The following ITGB4 variants were observed in gnomAD, a reference collection of about 807,000 sequenced individuals.
The protein encoded by ITGB4 is integrin subunit beta 4, also known as integrin beta-4.
ITGB4 carries 159 observed loss-of-function variants against 207.6 expected under a neutral mutation model. The observed-to-expected ratio is 0.77, with a 90% CI of 0.67 to 0.87. The LOEUF is 0.87. Among genes scored for constraint, ITGB4 ranks in the 40% least tolerant of loss-of-function variants. The pLI is 0.00. For synonymous variants in ITGB4, 1,020 were observed against 1,062.7 expected (o/e 0.96, Z 0.78); for missense variants, 2,278 against 2,546.8 (o/e 0.89, Z 2.27).
At position 75,731,786 on chromosome 17, in the gene ITGB4, C is replaced by T. The variant is rs1260065349; in HGVS notation, c.1216-26C>T. Reference sequence around the variant, plus strand: ...CCCTGGTCCTTGGGGCTGGGCCTGCCTTGGCTGACCACGGGGCCCCTGCAG... The same window carrying T: ...CCCTGGTCCTTGGGGCTGGGCCTGCTTTGGCTGACCACGGGGCCCCTGCAG... On this transcript the variant is annotated intron_variant, in intron 10 of 39. Coordinates refer to ENST00000200181, the MANE Select transcript of ITGB4 (RefSeq NM_000213.5). The surrounding 1 kb of genome is among the most constrained non-coding windows in gnomAD (Gnocchi z 6.8). 6.4e-7 allele frequency: 1 copy of T among 1,555,898 alleles called. No individual in the cohort carries two copies. The highest frequency in any genetic ancestry group is 2.4e-5 in the East Asian group (1 of 41,632).
At chr17:75,753,630 G>C (rs2061418076) in intron 32 of ITGB4, 135 bp from the exon 33 acceptor site, 1 of 521,348 alleles carries the variant, frequency 1.9e-6, no homozygotes, top group African/African-American at 2.0e-5. Flanking sequence ...ATCTACCCCC[G>C]CCCCCAACAC....
chr17:75,726,573 A>G (rs1414828167), intron 2 of ITGB4, among the ~76,000 whole-genome samples: 2 of 151,834 alleles, frequency 1.3e-5, no homozygotes, highest in Non-Finnish European at 2.9e-5. Context: ...CTCTACTAAA[A>G]ATACAAAAAT....
chr17:75,740,911 C>T lies in ITGB4; in HGVS notation c.2609+60C>T, dbSNP rs375721531. On this transcript the variant is annotated intron_variant, in intron 22 of 39. Transcript: ENST00000200181. This position sits in a 1 kb window ranked among gnomAD's most constrained non-coding sequence, Gnocchi z 5.9. ...CCGCTCCTACCGGGACTCCAGGAGC[C>T]GAAGCCCCCAGGCCGATCAGGCCTC... The T allele has an allele frequency of 2.3e-4, 372 of 1,613,060 alleles. 2 individuals carry two copies. Among genetic ancestry groups the T allele is most frequent in the Non-Finnish European group, 1.0e-4 (120 of 1,179,362 alleles).
At position 75,729,539 on chromosome 17, in the gene ITGB4, C is replaced by A; in HGVS notation, c.738+103C>A. ...CTGCTCTGGTGCCAGGCTCACAGGCCCTGAGGGAAAGCCTGGGAGCCTGCA... is the reference window on the plus strand; with the variant it reads ...CTGCTCTGGTGCCAGGCTCACAGGCACTGAGGGAAAGCCTGGGAGCCTGCA... On this transcript the variant is annotated intron_variant, in intron 7 of 39. Coordinates refer to ENST00000200181, the MANE Select transcript of ITGB4 (RefSeq NM_000213.5). The surrounding 1 kb of genome is among the most constrained non-coding windows in gnomAD (Gnocchi z 4.4). 2 of 1,282,892 alleles carry A rather than the reference C, an allele frequency of 1.6e-6. No individual in the cohort carries two copies. The highest frequency in any genetic ancestry group is 2.1e-6 in the Non-Finnish European group (2 of 945,276). The allele number at this position is 1,282,892 out of a possible 1,614,324, so 79.5% of individuals were successfully genotyped here. A position where few individuals can be genotyped will look rare whatever the true frequency, so the allele number is the denominator to read the frequency against.
intron 23 of ITGB4, among the ~76,000 whole-genome samples, chr17:75,741,913 A>G (rs58812339): frequency 0.036 from 5,414 of 152,228 alleles, 332 homozygotes; most frequent in African/African-American, 0.12. Context: ...CCTCTCGTCA[A>G]GCCTGTGAGG....
Position 75,727,620 on chromosome 17 carries a change from C to G in ITGB4, c.265-31C>G, listed in dbSNP as rs751937223. ...CCCATCGGGCCTCCGGAGTGACCCTCTAGCCAGCTGTCCCCTTCCACTGGC... is the reference window on the plus strand; with the variant it reads ...CCCATCGGGCCTCCGGAGTGACCCTGTAGCCAGCTGTCCCCTTCCACTGGC... On this transcript the variant is annotated intron_variant, in intron 4 of 39. Transcript: ENST00000200181. This position sits in a 1 kb window ranked among gnomAD's most constrained non-coding sequence, Gnocchi z 6.0. The G allele has an allele frequency of 1.2e-4, 185 of 1,586,172 alleles. No individual in the cohort carries two copies. Among genetic ancestry groups the G allele is most frequent in the Middle Eastern group, 2.2e-4 (1 of 4,584 alleles).
rs911505390 is a variant in ITGB4 at position 75,729,644 on chromosome 17, G to C, written c.738+208G>C. Among the ~76,000 whole-genome samples the C allele has an allele frequency of 6.6e-6, 1 of 152,176 alleles. No homozygotes were observed. The highest frequency in any genetic ancestry group is 6.5e-5 in the Admixed American group (1 of 15,282). On this transcript the variant is annotated intron_variant, in intron 7 of 39. Coordinates refer to ENST00000200181, the MANE Select transcript of ITGB4 (RefSeq NM_000213.5). The surrounding 1 kb of genome is among the most constrained non-coding windows in gnomAD (Gnocchi z 4.4). ...TGAGTTCAGATGTGCCTGGAGCCACGGTCCCCTGGCCTGAGCAGTCACAGC... is the reference window on the plus strand; with the variant it reads ...TGAGTTCAGATGTGCCTGGAGCCACCGTCCCCTGGCCTGAGCAGTCACAGC...
At chr17:75,755,965 A>G in intron 35 of ITGB4, 115 bp downstream of exon 35, 2 of 1,291,592 alleles carry the variant, frequency 1.5e-6, no homozygotes, top group Non-Finnish European at 2.2e-6. Flanking sequence ...TTGAGCGCTA[A>G]AGCCCCCATC....
At chr17:75,756,401 A>G (rs1315144087) in intron 35 of ITGB4, 28 bp from the exon 36 acceptor site, 2 of 1,611,736 alleles carry the variant, frequency 1.2e-6, no homozygotes, top group Non-Finnish European at 1.7e-6. Flanking sequence ...ACACTGCACT[A>G]CTGTGTGCCC....
Position 75,736,644 on chromosome 17 carries a change from C to T in ITGB4, c.1940C>T (p.Thr647Met), listed in dbSNP as rs150688188. ...GGCACCGGCGAGAAGAAGGGGCGCACGTGTGAGGAATGCAACTTCAAGGTC... is the reference window on the plus strand; with the variant it reads ...GGCACCGGCGAGAAGAAGGGGCGCATGTGTGAGGAATGCAACTTCAAGGTC... ...AWGTGEKKGR[T>M]CEECNFKVKM... The change falls in exon 16 of 40, where the codon ACG becomes ATG. Residue 647 changes from threonine (T) to methionine (M), a missense_variant. Thr to Met is a moderately conservative substitution (Grantham distance 81, BLOSUM62 -1). Coordinates refer to ENST00000200181, the MANE Select transcript of ITGB4 (RefSeq NM_000213.5). The T allele has an allele frequency of 6.8e-5, 109 of 1,600,358 alleles. 1 individual carries two copies. Among genetic ancestry groups the T allele is most frequent in the African/African-American group, 4.8e-4 (36 of 75,006 alleles).
rs780675808 is a variant in ITGB4 at position 75,757,109 on chromosome 17, T to A, written c.5218+2T>A. ...TCACCATAGAGTCCCAGGATGGAGG[T>A]AGGCACCTGTCCTTTCCTTCACCCC... On this transcript the variant is annotated splice_donor_variant, in intron 38 of 39. Transcript: ENST00000200181. LOFTEE classifies it high-confidence loss of function. The A allele has an allele frequency of 1.2e-6, 2 of 1,611,898 alleles. No individual in the cohort carries two copies. The highest frequency in any genetic ancestry group is 2.2e-5 in the South Asian group (2 of 91,014).
chr17:75,729,263 A>G lies in ITGB4; in HGVS notation c.567-2A>G, dbSNP rs570195262. ...CTCTCTCTCCCTCCCACCTCTGCCC[A>G]GGCTGAAGGAGCCCTGGCCCAACAG... On this transcript the variant is annotated splice_acceptor_variant, in intron 6 of 39. Transcript: ENST00000200181. LOFTEE classifies it high-confidence loss of function. The surrounding 1 kb of genome is among the most constrained non-coding windows in gnomAD (Gnocchi z 4.4). 6.2e-7 allele frequency: 1 copy of G among 1,613,470 alleles called. No individual in the cohort carries two copies. The highest frequency in any genetic ancestry group is 8.5e-7 in the Non-Finnish European group (1 of 1,179,782).
Position 75,755,794 on chromosome 17 carries a change from C to T in ITGB4, c.4652C>T (p.Pro1551Leu), listed in dbSNP as rs745935518. 1.8e-4 allele frequency: 287 copies of T among 1,611,448 alleles called. No individual in the cohort carries two copies. Among genetic ancestry groups the T allele is most frequent in the Non-Finnish European group, 2.3e-4 (275 of 1,179,910 alleles). Reference protein sequence around the residue: ...PTSLRVSWQEPRCERPLQGYS... With the variant: ...PTSLRVSWQELRCERPLQGYS... ...TCTCTCAGAGTGAGCTGGCAGGAGCCGCGGTGCGAGCGGCCGCTGCAGGGC... is the reference window on the plus strand; with the variant it reads ...TCTCTCAGAGTGAGCTGGCAGGAGCTGCGGTGCGAGCGGCCGCTGCAGGGC... The change falls in exon 35 of 40, where the codon CCG becomes CTG. Residue 1551 changes from proline (P) to leucine (L), a missense_variant. Physicochemically the swap from Pro to Leu is moderately conservative, Grantham distance 98. Transcript: ENST00000200181.
chr17:75,754,657 C>A lies in ITGB4; in HGVS notation c.4400C>A (p.Ala1467Asp). Reference protein sequence around the residue: ...SLHRMTTTSAAAYGTHLSPHV... With the variant: ...SLHRMTTTSADAYGTHLSPHV... ...CACAGGATGACCACGACCAGTGCTG[C>A]TGCCTATGGCACCCACCTGAGCCCA... Residue 1467 changes from alanine to aspartate, a missense_variant, in exon 34 of 40, where the codon GCT becomes GAT. By Grantham distance (126) the Ala-to-Asp change is moderately radical (BLOSUM62 -2). Coordinates refer to ENST00000200181, the MANE Select transcript of ITGB4 (RefSeq NM_000213.5). 6.2e-7 allele frequency: 1 copy of A among 1,614,018 alleles called. No individual in the cohort carries two copies. Among genetic ancestry groups the A allele is most frequent in the Non-Finnish European group, 8.5e-7 (1 of 1,179,972 alleles).
At position 75,727,942 on chromosome 17, in the gene ITGB4, A is replaced by G. The variant is rs2148465377; in HGVS notation, c.469+87A>G. 1 of 1,223,408 alleles carries G rather than the reference A, an allele frequency of 8.2e-7. No individual in the cohort carries two copies. The highest frequency in any genetic ancestry group is 1.2e-6 in the Non-Finnish European group (1 of 843,424). The allele number at this position is 1,223,408 out of a possible 1,614,324, so 75.8% of individuals were successfully genotyped here. ...GGAGGCCAGGACTCAGGACAGCTGCACCCACCCAGAAGGAAACACTGGACA... is the reference window on the plus strand; with the variant it reads ...GGAGGCCAGGACTCAGGACAGCTGCGCCCACCCAGAAGGAAACACTGGACA... On this transcript the variant is annotated intron_variant, in intron 5 of 39. Coordinates refer to ENST00000200181, the MANE Select transcript of ITGB4 (RefSeq NM_000213.5). This position sits in a 1 kb window ranked among gnomAD's most constrained non-coding sequence, Gnocchi z 6.0.
rs1431848929 is a variant in ITGB4, at chr17:75,727,183, C to G, written c.80-12C>G. On this transcript the variant is annotated splice_polypyrimidine_tract_variant and intron_variant, in intron 2 of 39. Coordinates refer to ENST00000200181, the MANE Select transcript of ITGB4 (RefSeq NM_000213.5). The surrounding 1 kb of genome is among the most constrained non-coding windows in gnomAD (Gnocchi z 6.0). Reference sequence around the variant, plus strand: ...CGCCTCCCCATTCATGTGCCCACATCTGTCCCCCCAGCAAACCGCTGCAAG... The same window carrying G: ...CGCCTCCCCATTCATGTGCCCACATGTGTCCCCCCAGCAAACCGCTGCAAG... 2 of 1,613,380 alleles carry G rather than the reference C, an allele frequency of 1.2e-6. No homozygotes were observed. The highest frequency in any genetic ancestry group is 3.3e-5 in the Admixed American group (2 of 59,990).
Position 75,754,750 on chromosome 17 carries a change from C to T in ITGB4, c.4493C>T (p.Ser1498Leu), listed in dbSNP as rs1042042707. 6.2e-7 allele frequency: 1 copy of T among 1,612,592 alleles called. No individual in the cohort carries two copies. Among genetic ancestry groups the T allele is most frequent in the Non-Finnish European group, 8.5e-7 (1 of 1,179,006 alleles). The part of the protein sequence containing the change: ...LTRDYNSLTR[S>L]EHSHSTTLPR... ...CGGGACTACAACTCACTGACCCGCT[C>T]AGAACACTCACACTCGACCACACTG... Residue 1498 changes from serine (S) to leucine (L), a missense_variant, in exon 34 of 40, where the codon TCA (serine) becomes TTA (leucine). Coordinates refer to ENST00000200181, the MANE Select transcript of ITGB4 (RefSeq NM_000213.5).
rs957139699 is a variant in ITGB4, at chr17:75,729,276, C to T, written c.578C>T (p.Pro193Leu). ...TDMRPEKLKE[P>L]WPNSDPPFSF... ...CCACCTCTGCCCAGGCTGAAGGAGC[C>T]CTGGCCCAACAGTGACCCCCCCTTC... Residue 193 changes from proline (P) to leucine (L), a missense_variant, in exon 7 of 40, where the codon CCC becomes CTC. Coordinates refer to ENST00000200181, the MANE Select transcript of ITGB4 (RefSeq NM_000213.5). This position sits in a 1 kb window ranked among gnomAD's most constrained non-coding sequence, Gnocchi z 4.4. The T allele has an allele frequency of 6.2e-7, 1 of 1,614,012 alleles. No individual in the cohort carries two copies. Among genetic ancestry groups the T allele is most frequent in the African/African-American group, 1.3e-5 (1 of 74,912 alleles).
At chr17:75,741,993 A>G (rs1209037639) in intron 23 of ITGB4, among the ~76,000 whole-genome samples, 1 of 152,214 alleles carries the variant, frequency 6.6e-6, no homozygotes, top group Non-Finnish European at 1.5e-5. Context: ...TGACTTGCCC[A>G]AGGTTACCCA....
Sources: allele counts gnomAD v4.1 joint callset (sites outside exome capture counted in the v4.1 genomes callset), GRCh38; gene constraint gnomAD v4.1.1; non-coding constraint Gnocchi (gnomAD v3.1); transcripts MANE v1.5; gene names NCBI Gene and HGNC (gene_info 2026-07-23, HGNC 2026-07-21).